GLI2: variants seen among roughly 807,000 people sequenced by gnomAD.
The protein encoded by GLI2 is GLI family zinc finger 2.
Under a neutral mutation model 78.9 loss-of-function variants are expected in GLI2, and 22 were observed. The ratio of observed to expected loss-of-function variants is 0.28; its 90% CI spans 0.20 to 0.40. The LOEUF is 0.40. Ranked by LOEUF, GLI2 falls within the 10% of genes least tolerant of loss-of-function variation. The pLI, the probability that GLI2 is intolerant of heterozygous loss-of-function variation, is 1.00. For synonymous variants in GLI2, 974 were observed against 963.7 expected (o/e 1.01, Z -0.20); for missense variants, 2,097 against 2,213.2 (o/e 0.95, Z 1.05).
At chr2:120,849,759 G>A (rs988879546) in intron 2 of GLI2, among the ~76,000 whole-genome samples, 2 of 152,214 alleles carry the variant, frequency 1.3e-5, no homozygotes, top group Admixed American at 6.5e-5. Context: ...CCACATGGAC[G>A]ACTGGGAAAG....
chr2:120,887,395 G>A (rs963316533), intron 2 of GLI2, among the ~76,000 whole-genome samples: 5 of 152,178 alleles, frequency 3.3e-5, no homozygotes, highest in African/African-American at 4.8e-5. Flanking sequence ...CCCTCTCACC[G>A]TGCTCTTTTC....
intron 9 of GLI2, among the ~76,000 whole-genome samples, chr2:120,977,220 A>AG (rs1159310547): frequency 1.3e-5 from 2 of 152,222 alleles, no homozygotes; most frequent in African/African-American, 2.4e-5. Flanking sequence ...TGTCCAGCAG[A>AG]ACAATATTAC....
chr2:120,973,500 C>T (rs1382589986), intron 8 of GLI2, among the ~76,000 whole-genome samples: 1 of 152,230 alleles, frequency 6.6e-6, no homozygotes, highest in Non-Finnish European at 1.5e-5. Context: ...CCCCCCGTCG[C>T]TCAGTGTCCC....
chr2:120,989,848 G>C lies in GLI2; in HGVS notation c.3883G>C (p.Val1295Leu). Residue 1295 changes from valine to leucine, a missense_variant, in exon 14 of 14, where the codon GTG (valine) becomes CTG (leucine). Physicochemically the swap from Val to Leu is conservative, Grantham distance 32 (BLOSUM62 1). Coordinates refer to ENST00000361492, the MANE Select transcript of GLI2 (RefSeq NM_001374353.1). ...LGVPDSALAG[V>L]PPPHPVQSYP... is the part of the protein sequence containing the mutation. ...GGTCCCCGATTCAGCCCTGGCTGGA[G>C]TGCCACCACCTCACCCAGTCCAGAG... 1 of 1,612,800 alleles carries C rather than the reference G, an allele frequency of 6.2e-7. No homozygotes were observed. The highest frequency in any genetic ancestry group is 8.5e-7 in the Non-Finnish European group (1 of 1,179,732).
chr2:120,916,807 T>C (rs1487422841), intron 2 of GLI2, among the ~76,000 whole-genome samples: 1 of 152,172 alleles, frequency 6.6e-6, no homozygotes, highest in Non-Finnish European at 1.5e-5. Context: ...CCAGGCTTGA[T>C]GGGGCCCAAA....
At chr2:120,795,981 T>G (rs1016801826) in intron 1 of GLI2, among the ~76,000 whole-genome samples, 1 of 152,016 alleles carries the variant, frequency 6.6e-6, no homozygotes, top group Non-Finnish European at 1.5e-5. Context: ...GAGGCAGAGG[T>G]TGCGGTGAGC....
intron 1 of GLI2, among the ~76,000 whole-genome samples, chr2:120,766,163 A>G (rs895009041): frequency 6.6e-6 from 1 of 152,102 alleles, no homozygotes; most frequent in South Asian, 2.1e-4. Flanking sequence ...GTTCTTCAGC[A>G]TGTCTGCAGC....
intron 2 of GLI2, among the ~76,000 whole-genome samples, chr2:120,918,773 A>T (rs1573598940): frequency 6.6e-6 from 1 of 152,214 alleles, no homozygotes; most frequent in East Asian, 1.9e-4. Context: ...AGTTGGGTTG[A>T]TGTCATTCCT....
intron 2 of GLI2, among the ~76,000 whole-genome samples, chr2:120,887,876 T>C (rs1218674435): frequency 6.6e-6 from 1 of 152,212 alleles, no homozygotes; most frequent in Non-Finnish European, 1.5e-5. Context: ...GCTAGATCAA[T>C]ATGACAGGCG....
At chr2:120,775,406 CA>C (rs1204502232) in intron 1 of GLI2, among the ~76,000 whole-genome samples, 1 of 152,228 alleles carries the variant, frequency 6.6e-6, no homozygotes, top group African/African-American at 2.4e-5. Context: ...TGGTGTCCAT[CA>C]GGGGTAGTTG....
chr2:120,923,735 TAC>T (rs1679520516), intron 2 of GLI2, among the ~76,000 whole-genome samples: 1 of 151,666 alleles, frequency 6.6e-6, no homozygotes, highest in Non-Finnish European at 1.5e-5. Flanking sequence ...CACGACACAC[TAC>T]ACACATACAC....
At chr2:120,977,402 T>C (rs1682505331) in intron 9 of GLI2, among the ~76,000 whole-genome samples, 2 of 152,244 alleles carry the variant, frequency 1.3e-5, no homozygotes, top group African/African-American at 2.4e-5. Flanking sequence ...TGTATATTCT[T>C]TTTTTTCCAT....
Position 120,975,261 on chromosome 2 carries a change from A to G in GLI2, c.1317+152A>G. 3 of 679,676 alleles carry G rather than the reference A, an allele frequency of 4.4e-6. No individual in the cohort carries two copies. The South Asian group carries it at 5.6e-5, about 13-fold the overall frequency. 42.1% of individuals were successfully genotyped at this position (679,676 alleles called of 1,614,324 possible). On this transcript the variant is annotated intron_variant, in intron 9 of 13. Transcript: ENST00000361492. Reference sequence around the variant, plus strand: ...CACATCCCCTGCAAGTGGGAGGCATAATTACTTATGTGTGTCCTGCCTGTT... The same window carrying G: ...CACATCCCCTGCAAGTGGGAGGCATGATTACTTATGTGTGTCCTGCCTGTT...
chr2:120,882,627 G>A (rs1317207095), intron 2 of GLI2, among the ~76,000 whole-genome samples: 2 of 152,138 alleles, frequency 1.3e-5, no homozygotes, highest in Non-Finnish European at 2.9e-5. Context: ...CTCCTCTGTC[G>A]GATCCCTGGG....
At chr2:120,948,273 C>T (rs561425176) in intron 3 of GLI2, among the ~76,000 whole-genome samples, 6 of 152,278 alleles carry the variant, frequency 3.9e-5, no homozygotes, top group African/African-American at 7.2e-5. Flanking sequence ...GGCACACAGC[C>T]GGTGCTTACT....
intron 1 of GLI2, among the ~76,000 whole-genome samples, chr2:120,772,318 C>T (rs959510488): frequency 6.6e-6 from 1 of 151,710 alleles, no homozygotes; most frequent in Non-Finnish European, 1.5e-5. Flanking sequence ...TCCCCATCTC[C>T]AGCTCCCCAA....
intron 1 of GLI2, among the ~76,000 whole-genome samples, chr2:120,751,719 A>G (rs6757829): frequency 0.21 from 31,286 of 152,084 alleles, 4,289 homozygotes; most frequent in African/African-American, 0.38. Flanking sequence ...GTTTATGTTT[A>G]TGAATACCTT....
At chr2:120,859,166 C>T (rs1192623130) in intron 2 of GLI2, among the ~76,000 whole-genome samples, 3 of 152,344 alleles carry the variant, frequency 2.0e-5, no homozygotes, top group Non-Finnish European at 2.9e-5. Context: ...ATCTCCAAAA[C>T]GTCTGAAAAT....
chr2:120,886,676 G>A (rs1024368506), intron 2 of GLI2, among the ~76,000 whole-genome samples: 1 of 152,244 alleles, frequency 6.6e-6, no homozygotes, highest in Non-Finnish European at 1.5e-5. Flanking sequence ...AAGGCTGGGA[G>A]CCTGCTTAGT....
Sources: gnomAD v4.1 joint callset for allele counts (sites outside exome capture counted in the v4.1 genomes callset) on GRCh38, gnomAD v4.1.1 for gene constraint, MANE v1.5 for transcripts, NCBI Gene and HGNC (gene_info 2026-07-23, HGNC 2026-07-21) for gene names.